The following DTNB variants were observed in gnomAD, a reference collection of about 807,000 sequenced individuals.
DTNB encodes dystrobrevin beta.
A neutral mutation model predicts 90.7 loss-of-function variants in DTNB; 63 were observed. The observed-to-expected ratio is 0.69, with a 90% CI of 0.57 to 0.86. The LOEUF is 0.86. Among genes scored for constraint, DTNB ranks in the 40% least tolerant of loss-of-function variants. The pLI is 0.00. For synonymous variants in DTNB, 277 were observed against 286.7 expected, an observed-to-expected ratio of 0.97 and a Z score of 0.34; for missense variants, 744 against 807.1, an observed-to-expected ratio of 0.92 and a Z score of 0.95.
At chr2:25,420,933 T>C (rs1359433959) in intron 15 of DTNB, among the ~76,000 whole-genome samples, 1 of 152,258 alleles carries the variant, frequency 6.6e-6, no homozygotes, top group Non-Finnish European at 1.5e-5. Flanking sequence ...AGTTCTTTGC[T>C]ACTCATCTAC....
chr2:25,407,602 G>A (rs112035129), intron 16 of DTNB, among the ~76,000 whole-genome samples: 9 of 152,270 alleles, frequency 5.9e-5, no homozygotes, highest in Non-Finnish European at 1.3e-4. Flanking sequence ...CTATAAAAAG[G>A]AATGGAATAT....
At chr2:25,422,145 G>A (rs1051978641) in intron 15 of DTNB, among the ~76,000 whole-genome samples, 5 of 152,164 alleles carry the variant, frequency 3.3e-5, no homozygotes, top group African/African-American at 9.7e-5. Context: ...AAGGGATAGA[G>A]CCAACGTGAT....
At chr2:25,449,025 G>A (rs1176072418) in intron 12 of DTNB, among the ~76,000 whole-genome samples, 1 of 152,028 alleles carries the variant, frequency 6.6e-6, no homozygotes, top group Non-Finnish European at 1.5e-5. Flanking sequence ...ATTATGATTA[G>A]GAGTTGATGA....
At chr2:25,496,684 A>G (rs929163005) in intron 9 of DTNB, among the ~76,000 whole-genome samples, 1 of 152,118 alleles carries the variant, frequency 6.6e-6, no homozygotes, top group African/African-American at 2.4e-5. Context: ...CTCTACTAAA[A>G]ATACAAAAAT....
chr2:25,385,553 C>G (rs2039231542), intron 18 of DTNB, among the ~76,000 whole-genome samples: 1 of 152,134 alleles, frequency 6.6e-6, no homozygotes, highest in Non-Finnish European at 1.5e-5. Flanking sequence ...CTATCTTGTC[C>G]TGGAGGGGAG....
intron 11 of DTNB, among the ~76,000 whole-genome samples, chr2:25,453,454 A>G (rs1440889346): frequency 6.6e-6 from 1 of 152,208 alleles, no homozygotes; most frequent in Non-Finnish European, 1.5e-5. Flanking sequence ...TTACTAATCA[A>G]GAAGTCATGT....
At position 25,448,891 on chromosome 2, in the gene DTNB, C is replaced by T. The variant is rs1242271260; in HGVS notation, c.1257+2657G>A. Among the ~76,000 whole-genome samples, 6 of 151,598 alleles carry T rather than the reference C, an allele frequency of 4.0e-5. No homozygotes were observed. The South Asian group carries it at 1.0e-3, about 26-fold the overall frequency. On this transcript the variant is annotated intron_variant, in intron 12 of 20. Transcript: ENST00000406818. ...AAAAAAAAAAGTATTTCATTTAATC[C>T]GTTTTGACAAATGTACACTCCTGCA... is the stretch of plus-strand genomic sequence containing the variant.
rs373504618 is a variant in DTNB at position 25,387,421 on chromosome 2, C to T, written c.1736-43G>A. 1.5e-5 allele frequency: 24 copies of T among 1,581,928 alleles called. No homozygotes were observed. Among genetic ancestry groups the T allele is most frequent in the African/African-American group, 9.4e-5 (7 of 74,330 alleles). On this transcript the variant is annotated intron_variant, in intron 17 of 20. Transcript: ENST00000406818. This position sits in a 1 kb window ranked among gnomAD's most constrained non-coding sequence, Gnocchi z 4.5. ...AGATGGGGATGCCAGGGTGGGTGAG[C>T]GTGGAGAAGAGACGGCTGAGCAAAT...
rs1296835985 is a variant in DTNB, at chr2:25,616,130, C to T, written c.363-8809G>A. Among the ~76,000 whole-genome samples, 6 of 152,268 alleles carry T rather than the reference C, an allele frequency of 3.9e-5. No homozygotes were observed. The East Asian group carries it at 9.6e-4, about 24-fold the overall frequency. On this transcript the variant is annotated intron_variant, in intron 4 of 20. Coordinates refer to ENST00000406818, the MANE Select transcript of DTNB (RefSeq NM_021907.5). ...CAAAGAGACAAAACTGTATCTATTC[C>T]TTGCTGCAGAAAAGAAACTGTTGCT...
chr2:25,438,205 G>A (rs2056462432), intron 12 of DTNB, among the ~76,000 whole-genome samples: 1 of 152,066 alleles, frequency 6.6e-6, no homozygotes, highest in East Asian at 1.9e-4. Flanking sequence ...CTAGACCAGG[G>A]GTATCCAATC....
At chr2:25,431,696 CT>C (rs1308166639) in intron 14 of DTNB, among the ~76,000 whole-genome samples, 1 of 152,132 alleles carries the variant, frequency 6.6e-6, no homozygotes, top group African/African-American at 2.4e-5. Context: ...GATGACAGGC[CT>C]TTTTGCTTTT....
intron 5 of DTNB, 66 bp downstream of exon 5, chr2:25,607,170 T>C: frequency 1.3e-6 from 2 of 1,495,234 alleles, no homozygotes; most frequent in Non-Finnish European, 1.8e-6. Context: ...TTCAAAATTC[T>C]GACAATATTC....
chr2:25,451,704 G>A, intron 11 of DTNB, 69 bp from the exon 12 acceptor site: 1 of 1,373,044 alleles, frequency 7.3e-7, no homozygotes, highest in Non-Finnish European at 9.7e-7. Context: ...TTCTCAGAAA[G>A]AACAGATGGA....
chr2:25,514,477 G>T (rs1171591731), intron 9 of DTNB, among the ~76,000 whole-genome samples: 1 of 151,684 alleles, frequency 6.6e-6, no homozygotes, highest in Non-Finnish European at 1.5e-5. Context: ...GTCACTGAAG[G>T]GATAAAAGCC....
intron 3 of DTNB, among the ~76,000 whole-genome samples, chr2:25,634,053 C>T (rs1270208421): frequency 3.9e-5 from 6 of 152,056 alleles, no homozygotes; most frequent in Admixed American, 2.0e-4. Context: ...CGTCTACGCC[C>T]GGCAGCCAGG....
intron 1 of DTNB, among the ~76,000 whole-genome samples, chr2:25,660,902 A>C (rs1480582512): frequency 6.6e-6 from 1 of 152,230 alleles, no homozygotes; most frequent in Non-Finnish European, 1.5e-5. Flanking sequence ...GCAACAAAGT[A>C]CATTCCTGTC....
chr2:25,561,274 G>C lies in DTNB; in HGVS notation c.876+15564C>G, dbSNP rs377380643. On this transcript the variant is annotated intron_variant, in intron 8 of 20. Transcript: ENST00000406818. ...CCCTCCTTGCCACTTCTCTTCCTTC[G>C]TCATACTTTTCTATCAAAACCCAAC... Among the ~76,000 whole-genome samples, 11 of 151,868 alleles carry C rather than the reference G, an allele frequency of 7.2e-5. No individual in the cohort carries two copies. The East Asian group carries it at 7.7e-4, about 11-fold the overall frequency.
chr2:25,419,841 C>T (rs13397614), intron 15 of DTNB, among the ~76,000 whole-genome samples: 1 of 152,198 alleles, frequency 6.6e-6, no homozygotes, highest in Non-Finnish European at 1.5e-5. Context: ...CCTGACCTGC[C>T]TAAGGTTCAC....
At chr2:25,495,049 G>A (rs931067712) in intron 9 of DTNB, among the ~76,000 whole-genome samples, 2 of 152,092 alleles carry the variant, frequency 1.3e-5, no homozygotes, top group Non-Finnish European at 1.5e-5. Context: ...TGCACAATGC[G>A]TCAGAATGAA....
Sources: gnomAD v4.1 joint callset for allele counts (sites outside exome capture counted in the v4.1 genomes callset) on GRCh38, gnomAD v4.1.1 for gene constraint, Gnocchi (gnomAD v3.1) non-coding constraint, MANE v1.5 for transcripts, NCBI Gene and HGNC (gene_info 2026-07-23, HGNC 2026-07-21) for gene names.